Variants in KIF21A observed in about 807,000 individuals in gnomAD.
KIF21A encodes kinesin family member 21A.
In KIF21A, 114 loss-of-function variants were observed where a neutral mutation model predicts 202.9. The observed-to-expected ratio is 0.56, with a 90% CI of 0.48 to 0.66. The LOEUF is 0.66. Ranked by LOEUF, KIF21A falls within the 30% of genes least tolerant of loss-of-function variation. The pLI, the probability that KIF21A is intolerant of heterozygous loss-of-function variation, is 0.00. For synonymous variants in KIF21A, 667 were observed against 670.8 expected, an observed-to-expected ratio of 0.99 and a Z score of 0.09; for missense variants, 1,677 against 1,994.9, an observed-to-expected ratio of 0.84 and a Z score of 3.04.
rs1939842414 is a variant in KIF21A, at chr12:39,442,830, C to T, written c.44+97G>A. Reference sequence around the variant, plus strand: ...AACCCGGCCGGGACGCCCCTCAGGTCGCTCCACCCCGGTAGCCGGTGCTCC... The same window carrying T: ...AACCCGGCCGGGACGCCCCTCAGGTTGCTCCACCCCGGTAGCCGGTGCTCC... On this transcript the variant is annotated intron_variant, in intron 1 of 37. Coordinates refer to ENST00000361418, the MANE Select transcript of KIF21A (RefSeq NM_001173464.2). The surrounding 1 kb of genome is among the most constrained non-coding windows in gnomAD (Gnocchi z 5.0). 7.0e-7 allele frequency: 1 copy of T among 1,429,292 alleles called. No homozygotes were observed. The highest frequency in any genetic ancestry group is 9.4e-7 in the Non-Finnish European group (1 of 1,062,262). The allele number at this position is 1,429,292 out of a possible 1,614,324, so 88.5% of individuals were successfully genotyped here.
intron 1 of KIF21A, among the ~76,000 whole-genome samples, chr12:39,373,267 C>CT (rs1277031027): frequency 1.3e-5 from 2 of 152,210 alleles, no homozygotes; most frequent in African/African-American, 4.8e-5. Context: ...TCACTACCAG[C>CT]TATGCTCTCT....
chr12:39,296,198 A>G (rs903259909), intron 37 of KIF21A, among the ~76,000 whole-genome samples: 2 of 150,962 alleles, frequency 1.3e-5, no homozygotes, highest in Admixed American at 1.3e-4. Flanking sequence ...CCTCCTGAGT[A>G]GCTGGGACTA....
intron 36 of KIF21A, 97 bp from the exon 37 acceptor site, chr12:39,301,776 T>G: frequency 5.7e-6 from 6 of 1,057,194 alleles, no homozygotes; most frequent in Non-Finnish European, 8.8e-6. Flanking sequence ...TGCCAAAACT[T>G]GATATTTGGA....
chr12:39,311,170 T>G (rs1244049233), intron 32 of KIF21A, among the ~76,000 whole-genome samples: 4 of 152,152 alleles, frequency 2.6e-5, no homozygotes, highest in East Asian at 1.9e-4. Context: ...GGACTCTACA[T>G]GCAGTACATG....
At position 39,374,440 on chromosome 12, in the gene KIF21A, C is replaced by G. The variant is rs150034857; in HGVS notation, c.45-4179G>C. On this transcript the variant is annotated intron_variant, in intron 1 of 37. Coordinates refer to ENST00000361418, the MANE Select transcript of KIF21A (RefSeq NM_001173464.2). ...CTAATCTTAATCAAACTGACTAACA[C>G]TAAGAAATAACAAAGCCAAGTAGAT... 3.9e-3 allele frequency among the ~76,000 whole-genome samples: 596 copies of G among 152,176 alleles called. 4 individuals carry two copies. The highest frequency in any genetic ancestry group is 6.5e-3 in the Non-Finnish European group (439 of 67,984).
At chr12:39,305,961 T>A (rs1943433627) in intron 34 of KIF21A, among the ~76,000 whole-genome samples, 1 of 152,214 alleles carries the variant, frequency 6.6e-6, no homozygotes, top group Admixed American at 6.5e-5. Context: ...TACACACATA[T>A]CTGTGTGGAT....
chr12:39,437,704 T>C (rs970319123), intron 1 of KIF21A, among the ~76,000 whole-genome samples: 1 of 152,316 alleles, frequency 6.6e-6, no homozygotes, highest in South Asian at 2.1e-4. Flanking sequence ...TTAAAAAGCA[T>C]TGTACTGCTA....
intron 1 of KIF21A, among the ~76,000 whole-genome samples, chr12:39,377,171 T>TG (rs1356269854): frequency 2.0e-5 from 3 of 152,156 alleles, no homozygotes; most frequent in African/African-American, 7.2e-5. Context: ...CTAGCCCACT[T>TG]GGCACTTGGT....
chr12:39,326,142 T>G, intron 25 of KIF21A, 122 bp downstream of exon 25: 1 of 792,738 alleles, frequency 1.3e-6, no homozygotes, highest in Admixed American at 2.0e-5. Flanking sequence ...TGTTTCTAAG[T>G]GCTATTCACT....
intron 1 of KIF21A, among the ~76,000 whole-genome samples, chr12:39,381,988 T>C (rs1435069730): frequency 6.6e-6 from 1 of 152,050 alleles, no homozygotes; most frequent in East Asian, 1.9e-4. Context: ...CCCCAGACAA[T>C]AGCAAGCAAG....
At chr12:39,348,754 G>T (rs1948114952) in intron 11 of KIF21A, among the ~76,000 whole-genome samples, 1 of 151,110 alleles carries the variant, frequency 6.6e-6, no homozygotes, top group South Asian at 2.1e-4. Context: ...CCCCAGACAG[G>T]TTTTAGAAAC....
chr12:39,310,340 GT>G (rs1481689784), intron 32 of KIF21A, among the ~76,000 whole-genome samples: 1 of 151,990 alleles, frequency 6.6e-6, no homozygotes, highest in Admixed American at 6.5e-5. Flanking sequence ...AAGAACATAT[GT>G]TTTTTTAATT....
chr12:39,423,666 T>C (rs1268748990), intron 1 of KIF21A, among the ~76,000 whole-genome samples: 1 of 151,666 alleles, frequency 6.6e-6, no homozygotes, highest in Non-Finnish European at 1.5e-5. Context: ...CTGACCAACA[T>C]GGAGAAACCC....
chr12:39,340,882 A>T (rs924995398), intron 15 of KIF21A, 24 bp downstream of exon 15: 1 of 1,540,024 alleles, frequency 6.5e-7, no homozygotes, highest in Non-Finnish European at 9.0e-7. Flanking sequence ...TTGAACTTTC[A>T]TTTGAATTAA....
At chr12:39,359,773 G>A (rs930275948) in intron 7 of KIF21A, among the ~76,000 whole-genome samples, 2 of 150,664 alleles carry the variant, frequency 1.3e-5, no homozygotes, top group Admixed American at 6.6e-5. Flanking sequence ...AACACCTTGA[G>A]TAAGCACAGG....
At chr12:39,311,353 T>G in intron 32 of KIF21A, 64 bp downstream of exon 32, 1 of 1,464,368 alleles carries the variant, frequency 6.8e-7, no homozygotes, top group Non-Finnish European at 9.4e-7. Flanking sequence ...CTAGAATATG[T>G]TAAAAATGTA....
At chr12:39,438,154 C>A (rs1282119607) in intron 1 of KIF21A, among the ~76,000 whole-genome samples, 1 of 152,088 alleles carries the variant, frequency 6.6e-6, no homozygotes, top group Non-Finnish European at 1.5e-5. Context: ...CCCAGGCTAT[C>A]TGATAGGATT....
rs542036817 is a variant in KIF21A at position 39,434,200 on chromosome 12, C to G, written c.44+8727G>C. On this transcript the variant is annotated intron_variant, in intron 1 of 37. Transcript: ENST00000361418. ...TCTTTCTTGCTGCCTCATCCTAAGG[C>G]GGAAGGCAGAAGGAAAGAGAGCATG... Among the ~76,000 whole-genome samples the G allele has an allele frequency of 4.9e-4, 74 of 152,192 alleles. 1 individual carries two copies. The highest frequency in any genetic ancestry group is 1.7e-3 in the African/African-American group (70 of 41,504).
chr12:39,365,794 G>A (rs1949559134), intron 6 of KIF21A, among the ~76,000 whole-genome samples: 1 of 152,172 alleles, frequency 6.6e-6, no homozygotes, highest in African/African-American at 2.4e-5. Context: ...TGAATCGCAT[G>A]AGCCCAGAAG....
Sources: gnomAD v4.1 joint callset for allele counts (sites outside exome capture counted in the v4.1 genomes callset) on GRCh38, gnomAD v4.1.1 for gene constraint, Gnocchi (gnomAD v3.1) non-coding constraint, MANE v1.5 for transcripts, NCBI Gene and HGNC (gene_info 2026-07-23, HGNC 2026-07-21) for gene names.